The following AP1M1 variants were observed in gnomAD, a reference collection of about 807,000 sequenced individuals.
The protein encoded by AP1M1 is adaptor related protein complex 1 subunit mu 1.
In AP1M1, 18 loss-of-function variants were observed where a neutral mutation model predicts 57.1. That is an observed-to-expected ratio of 0.32 (90% CI 0.22 to 0.47). The LOEUF (loss-of-function observed/expected upper bound fraction) is 0.47. AP1M1 is among the 20% of genes least tolerant of loss of function. The probability of loss-of-function intolerance (pLI) is 1.00; values close to 1 mark genes in which losing one functional copy is unlikely to be tolerated. For synonymous variants in AP1M1, 241 were observed against 237.9 expected, an observed-to-expected ratio of 1.01 and a Z score of -0.12; for missense variants, 362 against 593.5, an observed-to-expected ratio of 0.61 and a Z score of 4.05.
In AP1M1 at chr19:16,203,499, C is replaced by T. The variant is rs769839602; in HGVS notation, c.83C>T (p.Ser28Leu). ...CRNYRGDVDM[S>L]EVEHFMPILM... ...AACTACCGTGGCGACGTGGACATGT[C>T]AGAGGTGGAGCACTTCATGCCCATC... Residue 28 changes from serine (S) to leucine (L), a missense_variant, in exon 2 of 12, where the codon TCA (serine) becomes TTA (leucine). Ser to Leu is a moderately radical substitution (Grantham distance 145). Coordinates refer to ENST00000291439, the MANE Select transcript of AP1M1 (RefSeq NM_032493.4). The surrounding 1 kb of genome is among the most constrained non-coding windows in gnomAD (Gnocchi z 4.6). 1.2e-6 allele frequency: 2 copies of T among 1,614,206 alleles called. No homozygotes were observed. Among genetic ancestry groups the T allele is most frequent in the Admixed American group, 3.3e-5 (2 of 60,016 alleles).
chr19:16,228,128 C>T lies in AP1M1; in HGVS notation c.817-9C>T. 4 of 1,613,770 alleles carry T rather than the reference C, an allele frequency of 2.5e-6. No individual in the cohort carries two copies. The Middle Eastern group carries it at 6.6e-4, about 266-fold the overall frequency. On this transcript the variant is annotated splice_polypyrimidine_tract_variant and intron_variant, in intron 7 of 11. Coordinates refer to ENST00000291439, the MANE Select transcript of AP1M1 (RefSeq NM_032493.4). The surrounding 1 kb of genome is among the most constrained non-coding windows in gnomAD (Gnocchi z 5.0). ...CAGGTGTGAGCACCCTCTTTGCCCT[C>T]CTTGGCAGGTCAAGCCTTTGATATG...
Position 16,227,705 on chromosome 19 carries a change from C to A in AP1M1, c.816+15C>A. ...TCAACACCCACGTGAGTGCGCCACC[C>A]TGGGGCTGGGCTGTCGGCAGACTCC... is the stretch of plus-strand genomic sequence containing the variant. On this transcript the variant is annotated intron_variant, in intron 7 of 11. Coordinates refer to ENST00000291439, the MANE Select transcript of AP1M1 (RefSeq NM_032493.4). This position sits in a 1 kb window ranked among gnomAD's most constrained non-coding sequence, Gnocchi z 6.2. 1 of 1,611,058 alleles carries A rather than the reference C, an allele frequency of 6.2e-7. No individual in the cohort carries two copies.
rs1270342531 is a variant in AP1M1, at chr19:16,203,275, T to C, written c.43-184T>C. On this transcript the variant is annotated intron_variant, in intron 1 of 11. Transcript: ENST00000291439. The surrounding 1 kb of genome is among the most constrained non-coding windows in gnomAD (Gnocchi z 4.6). ...TGTGGGCATTCACACTGGGAGATGC[T>C]CTTCTCCAGGAATTCCCTGGGGGAT... 6.6e-6 allele frequency among the ~76,000 whole-genome samples: 1 copy of C among 152,178 alleles called. No homozygotes were observed. Among genetic ancestry groups the C allele is most frequent in the African/African-American group, 2.4e-5 (1 of 41,448 alleles).
In AP1M1 at chr19:16,234,991, C is replaced by G. The variant is rs1306598535; in HGVS notation, c.*556C>G. 3 of 153,412 alleles carry G rather than the reference C, an allele frequency of 2.0e-5. No homozygotes were observed. The highest frequency in any genetic ancestry group is 7.2e-5 in the African/African-American group (3 of 41,466). The allele number at this position is 153,412 out of a possible 1,614,324, so 9.5% of individuals were successfully genotyped here. A position where few individuals can be genotyped will look rare whatever the true frequency, so the allele number is the denominator to read the frequency against. On this transcript the variant is annotated 3_prime_UTR_variant, in exon 12 of 12. Coordinates refer to ENST00000291439, the MANE Select transcript of AP1M1 (RefSeq NM_032493.4). Reference sequence around the variant, plus strand: ...AGCACTTGGTGAGGACGAGCCCTCACCCTTCTTGTCTTCCTTCCCGGCAGC... The same window carrying G: ...AGCACTTGGTGAGGACGAGCCCTCAGCCTTCTTGTCTTCCTTCCCGGCAGC...
chr19:16,235,011 G>A lies in AP1M1; in HGVS notation c.*576G>A, dbSNP rs8374. The A allele has an allele frequency of 0.65, 99,001 of 152,578 alleles. 34,761 individuals are homozygous for A. The highest frequency in any genetic ancestry group is 0.8 in the Non-Finnish European group (54,324 of 68,318). The allele number at this position is 152,578 out of a possible 1,614,324, so 9.5% of individuals were successfully genotyped here. ...CCTCACCCTTCTTGTCTTCCTTCCC[G>A]GCAGCGCCCGCAGCGGGCCATTTAC... On this transcript the variant is annotated 3_prime_UTR_variant, in exon 12 of 12. Transcript: ENST00000291439.
rs1301412967 is a variant in AP1M1, at chr19:16,203,554, G to A, written c.138G>A (p.Leu46=). ...TGGAGAAGGAGGAGGAGGGGATGCT[G>A]TCGCCCATCCTGGCCCACGGGGGGG... is the stretch of plus-strand genomic sequence containing the variant. ...ILMEKEEEGM[L]SPILAHGGVR... is the part of the protein sequence containing the mutation. The change falls in exon 2 of 12, where the codon CTG becomes CTA. Residue 46 remains leucine (L), a synonymous_variant. Transcript: ENST00000291439. The surrounding 1 kb of genome is among the most constrained non-coding windows in gnomAD (Gnocchi z 4.6). The A allele has an allele frequency of 1.2e-6, 2 of 1,614,158 alleles. 1 individual carries two copies. The highest frequency in any genetic ancestry group is 2.2e-5 in the South Asian group (2 of 91,082).
chr19:16,199,270 G>T (rs370659784), intron 1 of AP1M1, among the ~76,000 whole-genome samples: 3 of 152,328 alleles, frequency 2.0e-5, no homozygotes, highest in African/African-American at 7.2e-5. Flanking sequence ...CTGAGGAGGG[G>T]TGACAAATGG....
rs2091632816 is a variant in AP1M1, at chr19:16,238,303, ACACTT to A, written c.*3869_*3873del. 1.0e-5 allele frequency: 1 copy of A among 98,928 alleles called. No homozygotes were observed. The highest frequency in any genetic ancestry group is 2.6e-5 in the African/African-American group (1 of 38,286). The allele number at this position is 98,928 out of a possible 1,614,324, so 6.1% of individuals were successfully genotyped here. A position where few individuals can be genotyped will look rare whatever the true frequency, so the allele number is the denominator to read the frequency against. On this transcript the variant is annotated 3_prime_UTR_variant, in exon 12 of 12. Transcript: ENST00000291439. ...ATAGAGAAATATCAGGTGTACAGTT[ACACTT>A]ACAGCAGCATAGTTCATGATAGCAG... is the stretch of plus-strand genomic sequence containing the variant.
chr19:16,208,957 G>T (rs1032108651), intron 4 of AP1M1, 73 bp from the exon 5 acceptor site: 3 of 1,544,992 alleles, frequency 1.9e-6, no homozygotes, highest in Non-Finnish European at 1.8e-6. Flanking sequence ...CAACCCTGCC[G>T]AAATGTCAAG....
intron 4 of AP1M1, 91 bp downstream of exon 4, chr19:16,208,240 T>G: frequency 2.2e-6 from 3 of 1,374,880 alleles, no homozygotes; most frequent in Non-Finnish European, 2.9e-6. Context: ...GGCAAATTTG[T>G]GTTCATGTTG....
At chr19:16,219,447 G>A (rs2091533208) in intron 5 of AP1M1, among the ~76,000 whole-genome samples, 1 of 150,258 alleles carries the variant, frequency 6.7e-6, no homozygotes, top group East Asian at 2.0e-4. Context: ...GCCCAGGCTG[G>A]AGTGCAATGG....
intron 9 of AP1M1, among the ~76,000 whole-genome samples, chr19:16,232,327 C>T (rs1003758068): frequency 3.3e-5 from 5 of 152,226 alleles, no homozygotes; most frequent in African/African-American, 1.2e-4. Context: ...CAGCTCTCAT[C>T]GAGAGCAGAA....
Position 16,240,258 on chromosome 19 carries a change from GTGTGTGTGTGTGTGTA to G in AP1M1, c.*5839_*5854del, listed in dbSNP as rs1302237252. On this transcript the variant is annotated 3_prime_UTR_variant, in exon 12 of 12. Transcript: ENST00000291439. ...GGGACGACTCTGTGTGTGTGTGTGT[GTGTGTGTGTGTGTGTA>G]TGTGTGTGTGTGTGTGTGTGTGTGT... 0.075 allele frequency: 4,741 copies of G among 63,184 alleles called. 131 individuals are homozygous for G. The highest frequency in any genetic ancestry group is 0.18 in the Non-Finnish European group (3,146 of 17,072). The allele number at this position is 63,184 out of a possible 1,614,324, so 3.9% of individuals were successfully genotyped here.
chr19:16,222,203 TTA>T (rs1255843804), intron 5 of AP1M1, among the ~76,000 whole-genome samples: 18 of 128,572 alleles, frequency 1.4e-4, no homozygotes, highest in Admixed American at 1.0e-3. Flanking sequence ...ATTACTATTA[TTA>T]TTATTATTTT....
rs937071515 is a variant in AP1M1 at position 16,243,331 on chromosome 19, C to T, written c.*8896C>T. 6.6e-6 allele frequency: 1 copy of T among 151,508 alleles called. No homozygotes were observed. Among genetic ancestry groups the T allele is most frequent in the African/African-American group, 2.4e-5 (1 of 41,276 alleles). The allele number at this position is 151,508 out of a possible 1,614,324, so 9.4% of individuals were successfully genotyped here. A position where few individuals can be genotyped will look rare whatever the true frequency, so the allele number is the denominator to read the frequency against. On this transcript the variant is annotated 3_prime_UTR_variant, in exon 12 of 12. Coordinates refer to ENST00000291439, the MANE Select transcript of AP1M1 (RefSeq NM_032493.4). ...CCAGGCTGGAGTGCAGTCAGTGGCA[C>T]GATGTCAGCTCACTGCAACCTTGGC...
Position 16,209,115 on chromosome 19 carries a change from G to A in AP1M1, c.484G>A (p.Glu162Lys). 2.5e-6 allele frequency: 4 copies of A among 1,614,232 alleles called. No individual in the cohort carries two copies. Among genetic ancestry groups the A allele is most frequent in the Non-Finnish European group, 1.7e-6 (2 of 1,180,044 alleles). ...CACCAACGCGGTGTCCTGGCGGTCC[G>A]AAGGCATCAAGTATCGGAAGAATGA... Reference protein sequence around the residue: ...TVTNAVSWRSEGIKYRKNEVF... With the variant: ...TVTNAVSWRSKGIKYRKNEVF... The change falls in exon 5 of 12, where the codon GAA (glutamate) becomes AAA (lysine). Residue 162 changes from glutamate to lysine, a missense_variant. Transcript: ENST00000291439.
Position 16,209,093 on chromosome 19 carries a change from C to T in AP1M1, c.462C>T (p.Thr154=), listed in dbSNP as rs2091482161. The T allele has an allele frequency of 6.2e-7, 1 of 1,614,106 alleles. No individual in the cohort carries two copies. Among genetic ancestry groups the T allele is most frequent in the African/African-American group, 1.3e-5 (1 of 74,924 alleles). Residue 154 remains threonine (T), a synonymous_variant, in exon 5 of 12, where the codon ACC becomes ACT. Coordinates refer to ENST00000291439, the MANE Select transcript of AP1M1 (RefSeq NM_032493.4). ...TGAPRPPATV[T]NAVSWRSEGI... The stretch of plus-strand genomic sequence containing the variant: ...CCCCGCGGCCACCAGCCACCGTCAC[C>T]AACGCGGTGTCCTGGCGGTCCGAAG...
In AP1M1 at chr19:16,206,503, T is replaced by C; in HGVS notation, c.267+95T>C. 3.7e-6 allele frequency: 5 copies of C among 1,354,260 alleles called. No homozygotes were observed. The highest frequency in any genetic ancestry group is 5.2e-6 in the Non-Finnish European group (5 of 954,428). The allele number at this position is 1,354,260 out of a possible 1,614,324, so 83.9% of individuals were successfully genotyped here. A position where few individuals can be genotyped will look rare whatever the true frequency, so the allele number is the denominator to read the frequency against. On this transcript the variant is annotated intron_variant, in intron 3 of 11. Transcript: ENST00000291439. The surrounding 1 kb of genome is among the most constrained non-coding windows in gnomAD (Gnocchi z 4.3). The stretch of plus-strand genomic sequence containing the variant: ...TACCTGGCCACCCTACAGAGAGCTG[T>C]GGCATCCCCAGGGAGCACTGGGGCT...
chr19:16,208,913 C>T, intron 4 of AP1M1, 117 bp from the exon 5 acceptor site: 2 of 1,272,358 alleles, frequency 1.6e-6, no homozygotes, highest in Non-Finnish European at 2.1e-6. Context: ...GGGCTATTTT[C>T]AAGTCGGTCA....
Sources: allele counts gnomAD v4.1 joint callset (sites outside exome capture counted in the v4.1 genomes callset), GRCh38; gene constraint gnomAD v4.1.1; non-coding constraint Gnocchi (gnomAD v3.1); transcripts MANE v1.5; gene names NCBI Gene and HGNC (gene_info 2026-07-23, HGNC 2026-07-21).